Variants in TUSC3 observed in about 807,000 individuals in gnomAD.
TUSC3 encodes tumor suppressor candidate 3.
In TUSC3, 45 loss-of-function variants were observed where a neutral mutation model predicts 44.8. The ratio of observed to expected loss-of-function variants is 1.00; its 90% confidence interval spans 0.79 to 1.29. The LOEUF is 1.29. Among genes scored for constraint, TUSC3 ranks in the 50% most tolerant of loss-of-function variants. TUSC3 has a pLI of 0.00. For missense variants in TUSC3, 519 were observed against 437.9 expected, an observed-to-expected ratio of 1.19 and a Z score of -1.65; for synonymous variants, 212 against 152.9, an observed-to-expected ratio of 1.39 and a Z score of -2.85.
At chr8:15,850,823 A>G in the TUSC3 span, among the ~76,000 whole-genome samples, 1 of 152,246 alleles carries the variant, frequency 6.6e-6, no homozygotes, top group African/African-American at 2.4e-5. Context: ...ATAAAAGGCC[A>G]CATAATCTTT....
At chr8:15,811,348 AC>A in the TUSC3 span, among the ~76,000 whole-genome samples, 1 of 152,072 alleles carries the variant, frequency 6.6e-6, no homozygotes, top group African/African-American at 2.4e-5. Flanking sequence ...TCCCCTCCAC[AC>A]CCTACTCCTA....
chr8:15,552,402 A>C (rs79085067), intron 1 of TUSC3, among the ~76,000 whole-genome samples: 4,735 of 151,772 alleles, frequency 0.031, 312 homozygotes, highest in East Asian at 0.23. Context: ...TACTGCTCAT[A>C]GTTCAGTGGG....
At chr8:15,627,417 G>T (rs1051783127) in intron 2 of TUSC3, among the ~76,000 whole-genome samples, 5 of 152,206 alleles carry the variant, frequency 3.3e-5, no homozygotes, top group East Asian at 1.9e-4. Context: ...CTCACCCTCC[G>T]GTTGTTTGTG....
At chr8:15,621,357 C>G (rs1805235457) in intron 1 of TUSC3, among the ~76,000 whole-genome samples, 1 of 151,160 alleles carries the variant, frequency 6.6e-6, no homozygotes, top group African/African-American at 2.4e-5. Flanking sequence ...CACTTCGCTT[C>G]TCAAAATTGA....
At chr8:15,796,124 C>T in the TUSC3 span, among the ~76,000 whole-genome samples, 94 of 152,236 alleles carry the variant, frequency 6.2e-4, no homozygotes, top group African/African-American at 2.1e-3. Context: ...ATCAGAAATA[C>T]AGGGTCCTTT....
intron 2 of TUSC3, among the ~76,000 whole-genome samples, chr8:15,487,423 C>T (rs1053880507): frequency 2.0e-5 from 3 of 152,298 alleles, no homozygotes; most frequent in Non-Finnish European, 4.4e-5. Flanking sequence ...GCATCCAATT[C>T]CGTAGCCACA....
At chr8:15,574,941 T>C (rs994690492) in intron 1 of TUSC3, among the ~76,000 whole-genome samples, 12 of 152,168 alleles carry the variant, frequency 7.9e-5, no homozygotes, top group African/African-American at 2.4e-4. Context: ...TCTAGTGTTA[T>C]TGTATTTTAA....
At chr8:15,843,521 G>A in the TUSC3 span, among the ~76,000 whole-genome samples, 3 of 151,462 alleles carry the variant, frequency 2.0e-5, no homozygotes, top group African/African-American at 2.4e-5. Flanking sequence ...AGATAAAGTT[G>A]ATGGTAGAAT....
intron 1 of TUSC3, among the ~76,000 whole-genome samples, chr8:15,569,720 A>G (rs1386242748): frequency 2.0e-5 from 3 of 152,104 alleles, no homozygotes; most frequent in African/African-American, 7.2e-5. Context: ...AAATGGATAC[A>G]TAGTGTTTGA....
chr8:15,521,700 G>A (rs1045692684), intron 2 of TUSC3, among the ~76,000 whole-genome samples: 1 of 152,172 alleles, frequency 6.6e-6, no homozygotes, highest in Non-Finnish European at 1.5e-5. Flanking sequence ...CAGCCTGCGG[G>A]CCACTGGTTA....
intron 1 of TUSC3, among the ~76,000 whole-genome samples, chr8:15,555,622 A>C (rs958281883): frequency 6.6e-6 from 1 of 151,092 alleles, no homozygotes; most frequent in Non-Finnish European, 1.5e-5. Context: ...GGTAACCTTC[A>C]TTTCTCTCAT....
rs1478412846 is a variant in TUSC3 at position 15,523,654 on chromosome 8, ATATATATATATGTGTGTGTGTGTGTG to A, written n.189+40173_189+40198del. Among the ~76,000 whole-genome samples, 36 of 26,136 alleles carry A rather than the reference ATATATATATATGTGTGTGTGTGTGTG, an allele frequency of 1.4e-3. 2 individuals are homozygous for A. The highest frequency in any genetic ancestry group is 5.8e-3 in the Admixed American group (10 of 1,720). The allele number at this position is 26,136 out of a possible 152,430, so 17.1% of individuals were successfully genotyped here. ...CCTTTAAAAACATATATATATATATATATATATATATGTGTGTGTGTGTGTGTGTGTGTGTGTGTGTGTGTGTGTGT... is the reference window on the plus strand; with the variant it reads ...CCTTTAAAAACATATATATATATATATGTGTGTGTGTGTGTGTGTGTGTGT... On this transcript the variant is annotated intron_variant and non_coding_transcript_variant, in intron 2 of 5. Transcript: ENST00000503191.
intron 6 of TUSC3, among the ~76,000 whole-genome samples, chr8:15,719,096 C>T (rs1810189722): frequency 6.6e-6 from 1 of 152,072 alleles, no homozygotes; most frequent in East Asian, 1.9e-4. Context: ...GGTCTCCTTG[C>T]TTCTATGCTT....
At chr8:15,678,585 A>G (rs1056432375) in intron 6 of TUSC3, among the ~76,000 whole-genome samples, 1 of 152,224 alleles carries the variant, frequency 6.6e-6, no homozygotes, top group African/African-American at 2.4e-5. Flanking sequence ...AGAAAAATGT[A>G]CGCATATTTA....
At chr8:15,538,525 G>A (rs112507263), upstream of TUSC3, among the ~76,000 whole-genome samples, 105 of 152,272 alleles carry the variant, frequency 6.9e-4, no homozygotes, top group Middle Eastern at 3.4e-3. Context: ...AATTTTTTCT[G>A]GGCCTTAATT....
At chr8:15,666,019 A>G (rs888773994) in intron 5 of TUSC3, among the ~76,000 whole-genome samples, 1 of 151,540 alleles carries the variant, frequency 6.6e-6, no homozygotes, top group Non-Finnish European at 1.5e-5. Flanking sequence ...TTAAAGTAGA[A>G]TGATGGAGTA....
At chr8:15,626,217 C>G (rs1000820279) in intron 2 of TUSC3, among the ~76,000 whole-genome samples, 13 of 152,200 alleles carry the variant, frequency 8.5e-5, no homozygotes, top group Admixed American at 2.6e-4. Context: ...GACCCTGTCC[C>G]TGGTCACTGC....
intron 1 of TUSC3, among the ~76,000 whole-genome samples, chr8:15,589,830 G>A (rs1803749274): frequency 6.6e-6 from 1 of 152,146 alleles, no homozygotes; most frequent in Non-Finnish European, 1.5e-5. Context: ...GCCAAGCCAT[G>A]AACAAAATTC....
At chr8:15,436,660 A>T (rs1156341723) in intron 1 of TUSC3, among the ~76,000 whole-genome samples, 2 of 152,118 alleles carry the variant, frequency 1.3e-5, no homozygotes, top group East Asian at 3.8e-4. Flanking sequence ...ATAAAAGAAC[A>T]ATAAGTAATT....
Sources: gnomAD v4.1 joint callset for allele counts (sites outside exome capture counted in the v4.1 genomes callset) on GRCh38, gnomAD v4.1.1 for gene constraint, MANE v1.5 for transcripts, NCBI Gene and HGNC (gene_info 2026-07-23, HGNC 2026-07-21) for gene names.